Variants in SYN2 observed in about 807,000 individuals in gnomAD.
SYN2 encodes the protein synapsin II.
In SYN2, 19 loss-of-function variants were observed where a neutral mutation model predicts 50.9. The ratio of observed to expected loss-of-function variants is 0.37; its 90% confidence interval spans 0.26 to 0.55. SYN2 has a LOEUF of 0.55. SYN2 is among the 20% of genes least tolerant of loss of function. The pLI, the probability that SYN2 is intolerant of heterozygous loss-of-function variation, is 0.81. For missense variants in SYN2, 587 were observed against 576.4 expected, an observed-to-expected ratio of 1.02 and a Z score of -0.19; for synonymous variants, 255 against 224.9, an observed-to-expected ratio of 1.13 and a Z score of -1.20.
At chr3:12,065,721 G>A (rs1368926841) in intron 1 of SYN2, among the ~76,000 whole-genome samples, 2 of 152,236 alleles carry the variant, frequency 1.3e-5, no homozygotes, top group East Asian at 1.9e-4. Flanking sequence ...GAGGGTGGGG[G>A]CAAGGGTTGG....
chr3:12,157,697 A>G (rs1221606932), intron 5 of SYN2, among the ~76,000 whole-genome samples: 1 of 152,212 alleles, frequency 6.6e-6, no homozygotes, highest in Non-Finnish European at 1.5e-5. Context: ...ATTAGGTCCT[A>G]TAACCGCTAA....
chr3:12,024,791 G>T (rs1317834664), intron 1 of SYN2, among the ~76,000 whole-genome samples: 4 of 152,162 alleles, frequency 2.6e-5, no homozygotes, highest in African/African-American at 9.6e-5. Flanking sequence ...ATTCCTGCTG[G>T]GTGTGTACCC....
intron 1 of SYN2, among the ~76,000 whole-genome samples, chr3:12,137,278 CATCTT>C (rs2125213858): frequency 6.7e-6 from 1 of 150,232 alleles, no homozygotes; most frequent in East Asian, 2.0e-4. Flanking sequence ...CCGTACTGGG[CATCTT>C]ATCTGTTCCT....
intron 1 of SYN2, among the ~76,000 whole-genome samples, chr3:12,113,702 G>A (rs893753450): frequency 2.0e-5 from 3 of 152,048 alleles, no homozygotes; most frequent in African/African-American, 7.2e-5. Context: ...ATCACACAAT[G>A]TACTAGTTTT....
At chr3:12,091,028 A>G (rs1394594790) in intron 1 of SYN2, among the ~76,000 whole-genome samples, 1 of 152,198 alleles carries the variant, frequency 6.6e-6, no homozygotes, top group Non-Finnish European at 1.5e-5. Context: ...TGGAAATTCA[A>G]AACTTCCTTC....
At chr3:12,063,674 TA>T (rs1195303204) in intron 1 of SYN2, among the ~76,000 whole-genome samples, 2 of 151,984 alleles carry the variant, frequency 1.3e-5, no homozygotes, top group African/African-American at 4.8e-5. Flanking sequence ...TGGATATTTT[TA>T]AAAACACATG....
chr3:12,157,546 G>T, intron 5 of SYN2: 1 of 1,503,186 alleles, frequency 6.7e-7, no homozygotes, highest in Non-Finnish European at 9.2e-7. Context: ...CTGAGGTCTG[G>T]ATGATCCAGG....
intron 1 of SYN2, among the ~76,000 whole-genome samples, chr3:12,075,407 G>A (rs557975440): frequency 6.6e-6 from 1 of 152,210 alleles, no homozygotes; most frequent in South Asian, 2.1e-4. Context: ...TATTCTATTT[G>A]GAGGAAAATT....
Position 12,151,337 on chromosome 3 carries a change from C to G in SYN2, c.774+11C>G, listed in dbSNP as rs376599762. ...AACCACAAAGAGATGGTAAGTGGCT[C>G]AGTGGGGACATTAGTCTTTCTGCTG... On this transcript the variant is annotated intron_variant, in intron 5 of 12. Transcript: ENST00000621198. 3 of 1,603,594 alleles carry G rather than the reference C, an allele frequency of 1.9e-6. No homozygotes were observed. The African/African-American group carries it at 4.0e-5, about 21-fold the overall frequency.
chr3:12,158,635 A>G, intron 5 of SYN2: 2 of 1,589,260 alleles, frequency 1.3e-6, no homozygotes, highest in Non-Finnish European at 1.7e-6. Flanking sequence ...CTCCTGGTGT[A>G]CTGCTGGCCA....
intron 1 of SYN2, among the ~76,000 whole-genome samples, chr3:12,080,947 G>C (rs562375038): frequency 3.3e-5 from 5 of 152,130 alleles, no homozygotes; most frequent in Non-Finnish European, 7.4e-5. Context: ...TGAAAGAAAA[G>C]TGTTAACAAT....
intron 1 of SYN2, among the ~76,000 whole-genome samples, chr3:12,015,291 A>G (rs1426545877): frequency 6.6e-6 from 1 of 152,194 alleles, no homozygotes; most frequent in Non-Finnish European, 1.5e-5. Context: ...CAGTTAGCCC[A>G]CTGTATTATA....
chr3:12,108,573 G>T (rs1438817530), intron 1 of SYN2, among the ~76,000 whole-genome samples: 1 of 152,158 alleles, frequency 6.6e-6, no homozygotes, highest in Admixed American at 6.5e-5. Context: ...AATGTCACAA[G>T]ATAGTTGCTT....
chr3:12,190,820 C>T lies in SYN2; in HGVS notation c.*195C>T. 4 of 1,348,726 alleles carry T rather than the reference C, an allele frequency of 3.0e-6. No individual in the cohort carries two copies. The highest frequency in any genetic ancestry group is 3.8e-6 in the Non-Finnish European group (4 of 1,057,280). The allele number at this position is 1,348,726 out of a possible 1,614,324, so 83.5% of individuals were successfully genotyped here. A position where few individuals can be genotyped will look rare whatever the true frequency, so the allele number is the denominator to read the frequency against. On this transcript the variant is annotated 3_prime_UTR_variant, in exon 13 of 13. Coordinates refer to ENST00000621198, the MANE Select transcript of SYN2 (RefSeq NM_133625.6). ...AGTCTCAGGGCAGGTGCCTACCCAG[C>T]AAGGGGTACCTGGCATCAGAGAGGA... is the stretch of plus-strand genomic sequence containing the variant.
At chr3:12,182,652 G>A (rs1394303917) in intron 10 of SYN2, among the ~76,000 whole-genome samples, 2 of 152,190 alleles carry the variant, frequency 1.3e-5, no homozygotes, top group African/African-American at 2.4e-5. Flanking sequence ...AGAAACAAAT[G>A]ACGACCCCTT....
chr3:12,189,469 G>A (rs886234708), intron 12 of SYN2, among the ~76,000 whole-genome samples: 3 of 152,142 alleles, frequency 2.0e-5, no homozygotes, highest in South Asian at 2.1e-4. Flanking sequence ...TCATATTAGC[G>A]CTCTTCTGAG....
chr3:12,094,574 G>C (rs548296925), intron 1 of SYN2, among the ~76,000 whole-genome samples: 7 of 152,342 alleles, frequency 4.6e-5, no homozygotes, highest in African/African-American at 1.2e-4. Flanking sequence ...ACCACAGTAA[G>C]TAACTTAGCC....
chr3:12,093,974 A>G (rs900952090), intron 1 of SYN2, among the ~76,000 whole-genome samples: 2 of 151,238 alleles, frequency 1.3e-5, no homozygotes, highest in East Asian at 3.9e-4. Flanking sequence ...CTTCTGCCTC[A>G]GCCTCCTAAG....
At chr3:12,020,137 T>G (rs1385985302) in intron 1 of SYN2, among the ~76,000 whole-genome samples, 4 of 152,214 alleles carry the variant, frequency 2.6e-5, no homozygotes, top group Non-Finnish European at 5.9e-5. Context: ...TATTTCAGAC[T>G]GATTCTGAGT....
Sources: allele counts gnomAD v4.1 joint callset (sites outside exome capture counted in the v4.1 genomes callset), GRCh38; gene constraint gnomAD v4.1.1; transcripts MANE v1.5; gene names NCBI Gene and HGNC (gene_info 2026-07-23, HGNC 2026-07-21).